The following GAK variants were observed in gnomAD, a reference collection of about 807,000 sequenced individuals.
The protein encoded by GAK is cyclin-G-associated kinase.
In GAK, 79 loss-of-function variants were observed where a neutral mutation model predicts 143.9. The ratio of observed to expected loss-of-function variants is 0.55; its 90% CI spans 0.46 to 0.66. The LOEUF is 0.66. GAK is among the 30% of genes least tolerant of loss of function. The pLI is 0.00. For synonymous variants in GAK, 881 were observed against 765.5 expected (o/e 1.15, Z -2.49); for missense variants, 1,693 against 1,779.7 (o/e 0.95, Z 0.88).
At chr4:880,439 A>C (rs1416008075) in intron 15 of GAK, among the ~76,000 whole-genome samples, 1 of 152,238 alleles carries the variant, frequency 6.6e-6, no homozygotes, top group East Asian at 1.9e-4. Flanking sequence ...TGGAGGCAGA[A>C]GAAAGGGTCT....
intron 9 of GAK, among the ~76,000 whole-genome samples, chr4:891,217 T>G (rs376633975): frequency 1.3e-5 from 2 of 152,130 alleles, no homozygotes; most frequent in South Asian, 4.1e-4. Flanking sequence ...TGCCTCGGCT[T>G]CCCAAAGTGC....
intron 11 of GAK, among the ~76,000 whole-genome samples, chr4:884,809 G>A (rs570511553): frequency 1.1e-4 from 17 of 152,360 alleles, no homozygotes; most frequent in Non-Finnish European, 2.2e-4. Context: ...GCCGGAGGCT[G>A]CGGGGACCAG....
At position 909,743 on chromosome 4, in the gene GAK, C is replaced by T. The variant is rs539127870; in HGVS notation, c.382+1930G>A. Among the ~76,000 whole-genome samples, 8 of 152,352 alleles carry T rather than the reference C, an allele frequency of 5.3e-5. 1 individual carries two copies. The South Asian group carries it at 1.7e-3, about 32-fold the overall frequency. ...AGAGAGGGAAAGCCGCCGTGGGACA[C>T]GCTCAAGTCTGGGGAACCCCATGAG... On this transcript the variant is annotated intron_variant, in intron 4 of 27. Coordinates refer to ENST00000314167, the MANE Select transcript of GAK (RefSeq NM_005255.4).
rs756184124 is a variant in GAK at position 932,009 on chromosome 4, C to A, written c.145+34G>T. The A allele has an allele frequency of 6.8e-7, 1 of 1,467,700 alleles. No individual in the cohort carries two copies. The highest frequency in any genetic ancestry group is 9.4e-7 in the Non-Finnish European group (1 of 1,069,030). The allele number at this position is 1,467,700 out of a possible 1,614,324, so 90.9% of individuals were successfully genotyped here. ...CCAGCGTCCCGGAGACAACACTCCGCGGCCGCACCCGCGCTGCCGACCCGG... is the reference window on the plus strand; with the variant it reads ...CCAGCGTCCCGGAGACAACACTCCGAGGCCGCACCCGCGCTGCCGACCCGG... On this transcript the variant is annotated intron_variant, in intron 1 of 27. Transcript: ENST00000314167. This position sits in a 1 kb window ranked among gnomAD's most constrained non-coding sequence, Gnocchi z 4.0.
intron 9 of GAK, among the ~76,000 whole-genome samples, chr4:892,452 G>A (rs1157005430): frequency 1.3e-5 from 2 of 152,218 alleles, no homozygotes; most frequent in African/African-American, 2.4e-5. Context: ...TGGTGATGGA[G>A]ATGCTGCACC....
Position 893,856 on chromosome 4 carries a change from C to T in GAK, c.877+18G>A. ...GCTCCAGGGTCCTGCCCCACGCACG[C>T]ATTCCACCGGGACTTACGGATGAGG... On this transcript the variant is annotated intron_variant, in intron 8 of 27. Coordinates refer to ENST00000314167, the MANE Select transcript of GAK (RefSeq NM_005255.4). 6.4e-7 allele frequency: 1 copy of T among 1,564,484 alleles called. No individual in the cohort carries two copies. The highest frequency in any genetic ancestry group is 8.7e-7 in the Non-Finnish European group (1 of 1,151,786).
At chr4:919,265 C>G (rs1221421303) in intron 1 of GAK, among the ~76,000 whole-genome samples, 12 of 151,350 alleles carry the variant, frequency 7.9e-5, no homozygotes, top group African/African-American at 2.7e-4. Flanking sequence ...CAGAAGGCTC[C>G]AAAGGCCTCA....
rs771456282 is a variant in GAK, at chr4:866,422, G to A, written c.2985C>T (p.Ser995=). Residue 995 remains serine (S), a synonymous_variant, in exon 22 of 28, where the codon TCC becomes TCT. Coordinates refer to ENST00000314167, the MANE Select transcript of GAK (RefSeq NM_005255.4). ...GCGGAGCACTGTGGGCAGACGGGAAGGATGGTGGGACGGTCACAGAGTCCG... is the reference window on the plus strand; with the variant it reads ...GCGGAGCACTGTGGGCAGACGGGAAAGATGGTGGGACGGTCACAGAGTCCG... The part of the protein sequence containing the change: ...LNSDSVTVPP[S]FPSAHSAPPP... 12 of 1,614,010 alleles carry A rather than the reference G, an allele frequency of 7.4e-6. No homozygotes were observed. Among genetic ancestry groups the A allele is most frequent in the Non-Finnish European group, 8.5e-6 (10 of 1,179,994 alleles).
intron 11 of GAK, chr4:888,634 C>T (rs1039855890): frequency 1.7e-6 from 1 of 588,826 alleles, no homozygotes; most frequent in Non-Finnish European, 2.9e-6. Flanking sequence ...GCCTTGCCCC[C>T]CAGGCGATGA....
chr4:866,838 G>A (rs1751275070), intron 21 of GAK, 118 bp downstream of exon 21: 1 of 798,750 alleles, frequency 1.3e-6, no homozygotes, highest in Non-Finnish European at 2.0e-6. Flanking sequence ...GGGGAGGTGG[G>A]GGAAGGGCAC....
At chr4:881,816 C>T (rs773220611) in intron 15 of GAK, 91 bp downstream of exon 15, 40 of 1,402,216 alleles carry the variant, frequency 2.9e-5, no homozygotes, top group African/African-American at 1.1e-4. Context: ...GCAGCGGCAC[C>T]GACTGGCCCT....
chr4:877,879 T>G, intron 15 of GAK, 70 bp from the exon 16 acceptor site: 1 of 1,394,424 alleles, frequency 7.2e-7, no homozygotes, highest in Non-Finnish European at 9.6e-7. Flanking sequence ...ATTTTGTCTT[T>G]CGAATAGAAG....
intron 19 of GAK, 26 bp from the exon 20 acceptor site, chr4:868,711 C>T (rs773439644): frequency 1.3e-6 from 2 of 1,542,924 alleles, no homozygotes; most frequent in South Asian, 2.4e-5. Flanking sequence ...GGCGTCAGGG[C>T]ACTGGCACTG....
intron 1 of GAK, among the ~76,000 whole-genome samples, chr4:914,993 C>T (rs1409920092): frequency 2.2e-5 from 3 of 138,866 alleles, no homozygotes; most frequent in Non-Finnish European, 4.7e-5. Flanking sequence ...TACACGGCCC[C>T]CAACACACAC....
intron 24 of GAK, among the ~76,000 whole-genome samples, chr4:855,309 G>A (rs1748942921): frequency 6.6e-6 from 1 of 151,324 alleles, no homozygotes; most frequent in South Asian, 2.1e-4. Flanking sequence ...TGTCTGGTCA[G>A]ATTTATACCT....
At chr4:891,297 C>T (rs1717612969) in intron 9 of GAK, among the ~76,000 whole-genome samples, 7 of 150,868 alleles carry the variant, frequency 4.6e-5, no homozygotes, top group Admixed American at 1.3e-4. Flanking sequence ...CGGAGTCTCA[C>T]TCTGTCTCCC....
intron 7 of GAK, 170 bp from the exon 8 acceptor site, chr4:894,179 A>G: frequency 3.0e-6 from 2 of 661,538 alleles, no homozygotes; most frequent in African/African-American, 2.1e-5. Flanking sequence ...CACAGGGGTG[A>G]TATCGGGAAC....
intron 9 of GAK, among the ~76,000 whole-genome samples, chr4:891,383 A>G (rs182248792): frequency 8.6e-5 from 13 of 151,794 alleles, no homozygotes; most frequent in African/African-American, 2.9e-4. Context: ...AAGCAGACAC[A>G]TGGCCTGTCT....
chr4:854,162 AGAGGGGGATTTG>A (rs1748723123), intron 24 of GAK, among the ~76,000 whole-genome samples: 1 of 148,138 alleles, frequency 6.8e-6, no homozygotes, highest in Admixed American at 6.8e-5. Flanking sequence ...TGTTTCTCGC[AGAGGGGGATTTG>A]GCAGGGTCAC....
Sources: allele counts gnomAD v4.1 joint callset (sites outside exome capture counted in the v4.1 genomes callset), GRCh38; gene constraint gnomAD v4.1.1; non-coding constraint Gnocchi (gnomAD v3.1); transcripts MANE v1.5; gene names NCBI Gene and HGNC (gene_info 2026-07-23, HGNC 2026-07-21).